NR3C2: variants seen among roughly 807,000 people sequenced by gnomAD.
The protein encoded by NR3C2 is nuclear receptor subfamily 3 group C member 2, also known as mineralocorticoid receptor.
NR3C2 carries 15 observed loss-of-function variants against 86.4 expected under a neutral mutation model. The ratio of observed to expected loss-of-function variants is 0.17; its 90% CI spans 0.12 to 0.27. The LOEUF (loss-of-function observed/expected upper bound fraction) is 0.27. Among genes scored for constraint, NR3C2 ranks in the 10% least tolerant of loss-of-function variants. The pLI, the probability that NR3C2 is intolerant of heterozygous loss-of-function variation, is 1.00. For synonymous variants in NR3C2, 458 were observed against 450.5 expected, an observed-to-expected ratio of 1.02 and a Z score of -0.21; for missense variants, 960 against 1,195.6, an observed-to-expected ratio of 0.80 and a Z score of 2.91.
At chr4:148,442,702 G>T (rs1055699977), upstream of NR3C2, 1 of 985,402 alleles carries the variant, frequency 1.0e-6, no homozygotes, top group Non-Finnish European at 1.2e-6. Flanking sequence ...CTGCGACACA[G>T]CCTGGACTCG....
intron 3 of NR3C2, among the ~76,000 whole-genome samples, chr4:148,230,599 T>G (rs187786194): frequency 6.6e-6 from 1 of 152,234 alleles, no homozygotes; most frequent in Non-Finnish European, 1.5e-5. Flanking sequence ...TTTTGTATTA[T>G]TGAAGTCAAT....
At chr4:148,098,757 G>T (rs1029375260) in intron 8 of NR3C2, among the ~76,000 whole-genome samples, 1 of 152,170 alleles carries the variant, frequency 6.6e-6, no homozygotes, top group African/African-American at 2.4e-5. Context: ...ATACTTTCTA[G>T]TCCCTTTATG....
chr4:148,096,945 G>A (rs539759131), intron 8 of NR3C2, among the ~76,000 whole-genome samples: 27 of 152,270 alleles, frequency 1.8e-4, no homozygotes, highest in Middle Eastern at 3.4e-3. Flanking sequence ...GCTTTTGAAC[G>A]AACAGGTTTT....
intron 6 of NR3C2, among the ~76,000 whole-genome samples, chr4:148,138,659 C>G (rs1560941326): frequency 6.6e-6 from 1 of 152,204 alleles, no homozygotes; most frequent in Non-Finnish European, 1.5e-5. Context: ...TTTGGGATTA[C>G]AGGTGTGAAC....
chr4:148,222,811 G>A (rs1167484108), intron 3 of NR3C2, among the ~76,000 whole-genome samples: 1 of 152,122 alleles, frequency 6.6e-6, no homozygotes, highest in African/African-American at 2.4e-5. Context: ...AGTGTTTATT[G>A]ATCATGTACT....
intron 2 of NR3C2, among the ~76,000 whole-genome samples, chr4:148,385,480 C>T (rs1483417500): frequency 6.6e-6 from 1 of 152,172 alleles, no homozygotes; most frequent in East Asian, 1.9e-4. Flanking sequence ...ATACAGAAAC[C>T]TCAGGTTGCT....
intron 2 of NR3C2, among the ~76,000 whole-genome samples, chr4:148,286,006 C>G (rs1223109962): frequency 2.0e-5 from 3 of 152,090 alleles, no homozygotes; most frequent in Non-Finnish European, 4.4e-5. Flanking sequence ...CAATTAAAAA[C>G]AAATGAAATT....
intron 3 of NR3C2, among the ~76,000 whole-genome samples, chr4:148,198,265 G>A (rs973698876): frequency 6.6e-6 from 1 of 152,048 alleles, no homozygotes; most frequent in African/African-American, 2.4e-5. Context: ...TTCAGTAAGT[G>A]TTTAAAAGTT....
chr4:148,113,714 G>A (rs377001382), intron 8 of NR3C2, among the ~76,000 whole-genome samples: 13 of 152,268 alleles, frequency 8.5e-5, no homozygotes, highest in African/African-American at 2.4e-4. Context: ...TGGCCAACCT[G>A]GAGATTCACT....
At chr4:148,085,842 A>C (rs1730789207) in intron 8 of NR3C2, among the ~76,000 whole-genome samples, 1 of 152,264 alleles carries the variant, frequency 6.6e-6, no homozygotes, top group Non-Finnish European at 1.5e-5. Context: ...ATCAGAGAAT[A>C]CTATAAGCAC....
intron 4 of NR3C2, among the ~76,000 whole-genome samples, chr4:148,175,200 G>C (rs1217273265): frequency 6.6e-6 from 1 of 151,858 alleles, no homozygotes; most frequent in Non-Finnish European, 1.5e-5. Context: ...ACAACTAAAG[G>C]CCGGTTAAAA....
At chr4:148,312,199 G>A (rs1001424691) in intron 2 of NR3C2, among the ~76,000 whole-genome samples, 1 of 152,164 alleles carries the variant, frequency 6.6e-6, no homozygotes, top group African/African-American at 2.4e-5. Context: ...ATTAGCAAGT[G>A]TAGTCTGTAA....
chr4:148,080,459 A>T lies in NR3C2; in HGVS notation c.*885T>A, dbSNP rs939398853. 1 of 154,222 alleles carries T rather than the reference A, an allele frequency of 6.5e-6. No individual in the cohort carries two copies. The highest frequency in any genetic ancestry group is 1.5e-5 in the Non-Finnish European group (1 of 68,938). The allele number at this position is 154,222 out of a possible 1,614,324, so 9.6% of individuals were successfully genotyped here. A position where few individuals can be genotyped will look rare whatever the true frequency, so the allele number is the denominator to read the frequency against. On this transcript the variant is annotated 3_prime_UTR_variant, in exon 9 of 9. Transcript: ENST00000358102. ...GCAGGACATTGCACTTTACAAAAAAAAATTACCTTGTTTAGACAAAGATAG... is the reference window on the plus strand; with the variant it reads ...GCAGGACATTGCACTTTACAAAAAATAATTACCTTGTTTAGACAAAGATAG...
chr4:148,429,399 C>A (rs2884445), intron 2 of NR3C2, among the ~76,000 whole-genome samples: 16,215 of 152,244 alleles, frequency 0.11, 1,041 homozygotes, highest in Middle Eastern at 0.16. Context: ...CTCATACTCC[C>A]TCCCTAAGGT....
At chr4:148,362,501 T>G (rs1411676389) in intron 2 of NR3C2, among the ~76,000 whole-genome samples, 2 of 152,172 alleles carry the variant, frequency 1.3e-5, no homozygotes, top group Non-Finnish European at 2.9e-5. Flanking sequence ...AAAATGAAAT[T>G]TTTTGAAGTC....
chr4:148,292,590 C>T (rs1188837506), intron 2 of NR3C2, among the ~76,000 whole-genome samples: 1 of 152,070 alleles, frequency 6.6e-6, no homozygotes, highest in Non-Finnish European at 1.5e-5. Context: ...CCCTATCTGA[C>T]CATCATTACA....
At chr4:148,296,368 C>T (rs879854572) in intron 2 of NR3C2, among the ~76,000 whole-genome samples, 3 of 151,938 alleles carry the variant, frequency 2.0e-5, no homozygotes, top group Admixed American at 6.6e-5. Flanking sequence ...TTGGGAAAAA[C>T]AGAAACAAGT....
chr4:148,279,168 A>G (rs1242185301), intron 2 of NR3C2, among the ~76,000 whole-genome samples: 2 of 152,190 alleles, frequency 1.3e-5, no homozygotes, highest in Non-Finnish European at 2.9e-5. Flanking sequence ...GTCTCAATAA[A>G]TAAATAAATA....
At chr4:148,367,696 C>A (rs1561067595) in intron 2 of NR3C2, among the ~76,000 whole-genome samples, 1 of 151,718 alleles carries the variant, frequency 6.6e-6, no homozygotes, top group East Asian at 1.9e-4. Context: ...TAGAACTACA[C>A]AAAAATTTGT....
Sources: gnomAD v4.1 joint callset for allele counts (sites outside exome capture counted in the v4.1 genomes callset) on GRCh38, gnomAD v4.1.1 for gene constraint, MANE v1.5 for transcripts, NCBI Gene and HGNC (gene_info 2026-07-23, HGNC 2026-07-21) for gene names.